ZCCHC14: variants seen among roughly 807,000 people sequenced by gnomAD.
ZCCHC14 encodes zinc finger CCHC domain-containing protein 14.
ZCCHC14 carries 16 observed loss-of-function variants against 85.0 expected under a neutral mutation model. That is an observed-to-expected ratio of 0.19 (90% CI 0.13 to 0.29). ZCCHC14 has a LOEUF of 0.29. ZCCHC14 is among the 10% of genes least tolerant of loss of function. The pLI, the probability that ZCCHC14 is intolerant of heterozygous loss-of-function variation, is 1.00. For synonymous variants in ZCCHC14, 775 were observed against 630.7 expected, an observed-to-expected ratio of 1.23 and a Z score of -3.43; for missense variants, 1,303 against 1,443.5, an observed-to-expected ratio of 0.90 and a Z score of 1.58.
Position 87,431,013 on chromosome 16 carries a change from G to A in ZCCHC14, c.768+2115C>T, listed in dbSNP as rs898129223. 7.9e-5 allele frequency among the ~76,000 whole-genome samples: 12 copies of A among 151,906 alleles called. No homozygotes were observed. The East Asian group carries it at 1.2e-3, about 15-fold the overall frequency. Reference sequence around the variant, plus strand: ...AAATTAGCTGGGTATGGTGGCATGTGCCTGTGGTCCCAGCTACTAGGAGGC... The same window carrying A: ...AAATTAGCTGGGTATGGTGGCATGTACCTGTGGTCCCAGCTACTAGGAGGC... On this transcript the variant is annotated intron_variant, in intron 3 of 12. Coordinates refer to ENST00000671377, the MANE Select transcript of ZCCHC14 (RefSeq NM_015144.3).
At position 87,418,908 on chromosome 16, in the gene ZCCHC14, A is replaced by G; in HGVS notation, c.1046-7T>C. The G allele has an allele frequency of 6.2e-7, 1 of 1,601,610 alleles. No homozygotes were observed. The highest frequency in any genetic ancestry group is 8.5e-7 in the Non-Finnish European group (1 of 1,172,334). ...AGGGAGGGATTGCCAGGACCTATAAATTTAAAAATAAATACCATAAAAATT... is the reference window on the plus strand; with the variant it reads ...AGGGAGGGATTGCCAGGACCTATAAGTTTAAAAATAAATACCATAAAAATT... On this transcript the variant is annotated splice_polypyrimidine_tract_variant and splice_region_variant and intron_variant, in intron 6 of 12. Coordinates refer to ENST00000671377, the MANE Select transcript of ZCCHC14 (RefSeq NM_015144.3).
At chr16:87,488,053 T>C (rs1912594486) in intron 1 of ZCCHC14, among the ~76,000 whole-genome samples, 1 of 152,210 alleles carries the variant, frequency 6.6e-6, no homozygotes, top group Admixed American at 6.5e-5. Flanking sequence ...GTGGTCGTGC[T>C]TGCACAGCTA....
In ZCCHC14 at chr16:87,461,038, G is replaced by A. The variant is rs1024893775; in HGVS notation, c.571-907C>T. Among the ~76,000 whole-genome samples the A allele has an allele frequency of 5.3e-5, 8 of 152,228 alleles. No homozygotes were observed. The East Asian group carries it at 9.6e-4, about 18-fold the overall frequency. ...CAGGAGTGTCTGTGACAGGGAAAGC[G>A]GGGCACACCCTCAGTCCCCATCGAC... On this transcript the variant is annotated intron_variant, in intron 1 of 12. Transcript: ENST00000671377.
At chr16:87,463,600 CCT>C in intron 1 of ZCCHC14, among the ~76,000 whole-genome samples, 1 of 152,140 alleles carries the variant, frequency 6.6e-6, no homozygotes. Flanking sequence ...GGACAGATCA[CCT>C]GAGGTCAGGA....
At chr16:87,444,012 G>C (rs1422608153) in intron 2 of ZCCHC14, among the ~76,000 whole-genome samples, 3 of 147,004 alleles carry the variant, frequency 2.0e-5, no homozygotes, top group Non-Finnish European at 3.0e-5. Context: ...ACTGCAGCCT[G>C]GGTGACAGAG....
At chr16:87,478,982 G>C (rs1912146908) in intron 1 of ZCCHC14, among the ~76,000 whole-genome samples, 1 of 152,198 alleles carries the variant, frequency 6.6e-6, no homozygotes, top group South Asian at 2.1e-4. Context: ...GCCCAAAACA[G>C]AGTAGGGGTG....
At chr16:87,467,064 C>G in intron 1 of ZCCHC14, 2 of 236,614 alleles carry the variant, frequency 8.5e-6, no homozygotes, top group South Asian at 6.6e-5. Context: ...TTTTTTTTTA[C>G]TAAAGAGACA....
chr16:87,491,670 T>C lies in ZCCHC14; in HGVS notation c.569A>G (p.Lys190Arg). ...GCAGAGCTCGGGGCGGGCACGCACC[T>C]TGTGGCAGGCTGGGCAAGTGGGCAG... ...GALPTCPACH[K>R]ITPRTEAPVS... The change falls in exon 1 of 13, where the codon AAG (lysine) becomes AGG (arginine). Residue 190 changes from lysine (K) to arginine (R), a missense_variant and splice_region_variant. This residue lies in a region of ZCCHC14 where 389 missense variants were observed against 397.8 expected (regional missense o/e 0.98). Coordinates refer to ENST00000671377, the MANE Select transcript of ZCCHC14 (RefSeq NM_015144.3). This position sits in a 1 kb window ranked among gnomAD's most constrained non-coding sequence, Gnocchi z 5.9. 1 of 1,415,690 alleles carries C rather than the reference T, an allele frequency of 7.1e-7. No individual in the cohort carries two copies. Among genetic ancestry groups the C allele is most frequent in the Non-Finnish European group, 9.2e-7 (1 of 1,091,150 alleles). The allele number at this position is 1,415,690 out of a possible 1,614,324, so 87.7% of individuals were successfully genotyped here. A position where few individuals can be genotyped will look rare whatever the true frequency, so the allele number is the denominator to read the frequency against.
chr16:87,418,014 G>C (rs1178745960), intron 7 of ZCCHC14: 2 of 469,330 alleles, frequency 4.3e-6, no homozygotes, highest in Non-Finnish European at 7.5e-6. Context: ...CTCTGCCCGT[G>C]CTTCGGAGTA....
At chr16:87,411,342 A>C in intron 12 of ZCCHC14, 174 bp downstream of exon 12, 1 of 1,495,436 alleles carries the variant, frequency 6.7e-7, no homozygotes. Flanking sequence ...TAGACCCAAC[A>C]GCAGTCCTTC....
chr16:87,451,059 C>T (rs1033866134), intron 2 of ZCCHC14, among the ~76,000 whole-genome samples: 3 of 151,330 alleles, frequency 2.0e-5, no homozygotes, highest in South Asian at 2.1e-4. Flanking sequence ...CCACCATGCC[C>T]GGCTAATTTT....
chr16:87,418,059 A>T, intron 7 of ZCCHC14: 1 of 369,204 alleles, frequency 2.7e-6, no homozygotes, highest in Admixed American at 4.2e-5. Flanking sequence ...TGTATTATGT[A>T]TGTGTACGTC....
At chr16:87,424,306 C>T (rs553032442) in intron 3 of ZCCHC14, among the ~76,000 whole-genome samples, 10 of 152,298 alleles carry the variant, frequency 6.6e-5, no homozygotes, top group Admixed American at 3.9e-4. Context: ...GTGGTGCGCC[C>T]GCCCAGGTGC....
intron 1 of ZCCHC14, among the ~76,000 whole-genome samples, chr16:87,467,841 C>T (rs779381567): frequency 4.6e-5 from 7 of 152,118 alleles, no homozygotes; most frequent in Admixed American, 2.0e-4. Context: ...TTAGTAGAGA[C>T]GGGGTTTCAC....
chr16:87,411,433 A>T (rs1245282730), intron 12 of ZCCHC14, 83 bp downstream of exon 12: 5 of 1,551,974 alleles, frequency 3.2e-6, no homozygotes, highest in African/African-American at 2.8e-5. Context: ...ACAAAGAAAG[A>T]AGTTTACTCT....
chr16:87,437,154 T>C (rs1006710003), intron 2 of ZCCHC14, among the ~76,000 whole-genome samples: 16 of 151,746 alleles, frequency 1.1e-4, no homozygotes, highest in Admixed American at 7.2e-4. Flanking sequence ...CTGACCAACA[T>C]GGAGAAACTC....
At chr16:87,482,503 A>C (rs900828917) in intron 1 of ZCCHC14, among the ~76,000 whole-genome samples, 1 of 152,206 alleles carries the variant, frequency 6.6e-6, no homozygotes, top group African/African-American at 2.4e-5. Context: ...GGCGCCTCAC[A>C]GCCATATTTA....
intron 3 of ZCCHC14, among the ~76,000 whole-genome samples, chr16:87,426,885 C>G (rs79027576): frequency 0.017 from 2,557 of 152,268 alleles, 24 homozygotes; most frequent in Middle Eastern, 0.044. Flanking sequence ...TATGAAAAAA[C>G]AACTGTCAGA....
chr16:87,478,174 T>A (rs1043388769), intron 1 of ZCCHC14, among the ~76,000 whole-genome samples: 27 of 152,294 alleles, frequency 1.8e-4, no homozygotes, highest in African/African-American at 6.5e-4. Context: ...CCCACACATA[T>A]AAGTGCTTTG....
Sources: gnomAD v4.1 joint callset for allele counts (sites outside exome capture counted in the v4.1 genomes callset) on GRCh38, gnomAD v4.1.1 for gene constraint, gnomAD v4.1.1 regional missense constraint, Gnocchi (gnomAD v3.1) non-coding constraint, MANE v1.5 for transcripts, NCBI Gene and HGNC (gene_info 2026-07-23, HGNC 2026-07-21) for gene names.